Variants in SRRM1 observed in about 807,000 individuals in gnomAD.
SRRM1 encodes the protein serine/arginine repetitive matrix protein 1.
A neutral mutation model predicts 110.2 loss-of-function variants in SRRM1; 19 were observed. The ratio of observed to expected loss-of-function variants is 0.17; its 90% confidence interval spans 0.12 to 0.25. SRRM1 has a LOEUF of 0.25. Among genes scored for constraint, SRRM1 ranks in the 10% least tolerant of loss-of-function variants. The pLI is 1.00. For missense variants in SRRM1, 918 were observed against 1,145.8 expected (o/e 0.80, Z 2.87); for synonymous variants, 443 against 414.9 (o/e 1.07, Z -0.82).
chr1:24,645,113 T>A (rs1360445600), intron 1 of SRRM1, among the ~76,000 whole-genome samples: 1 of 152,208 alleles, frequency 6.6e-6, no homozygotes, highest in African/African-American at 2.4e-5. Flanking sequence ...TTTACATATG[T>A]TATTTCTGGT....
At chr1:24,648,771 C>A in intron 3 of SRRM1, 88 bp from the exon 4 acceptor site, 2 of 1,219,102 alleles carry the variant, frequency 1.6e-6, no homozygotes, top group East Asian at 2.4e-5. Flanking sequence ...TTAAAAAATA[C>A]TAATTTAAAT....
intron 16 of SRRM1, among the ~76,000 whole-genome samples, chr1:24,671,910 T>G (rs1255356776): frequency 6.6e-6 from 1 of 151,914 alleles, no homozygotes; most frequent in African/African-American, 2.4e-5. Flanking sequence ...TTTTTTTTTT[T>G]GTTTGTTTTT....
chr1:24,644,763 T>G (rs1349602999), intron 1 of SRRM1, among the ~76,000 whole-genome samples: 1 of 152,250 alleles, frequency 6.6e-6, no homozygotes, highest in African/African-American at 2.4e-5. Context: ...TATTCAATAT[T>G]TTCTGCAGTG....
At chr1:24,656,475 G>C (rs1241485336) in intron 9 of SRRM1, among the ~76,000 whole-genome samples, 3 of 152,216 alleles carry the variant, frequency 2.0e-5, no homozygotes, top group Non-Finnish European at 2.9e-5. Context: ...TCAGTCCTCA[G>C]TTTGAGAGAG....
intron 12 of SRRM1, among the ~76,000 whole-genome samples, chr1:24,666,332 G>T (rs895144425): frequency 6.6e-6 from 1 of 152,050 alleles, no homozygotes; most frequent in Admixed American, 6.6e-5. Flanking sequence ...TGCCACCCAG[G>T]GTCTTGACTG....
At chr1:24,643,419 T>G in intron 1 of SRRM1, 72 bp downstream of exon 1, 1 of 1,352,968 alleles carries the variant, frequency 7.4e-7, no homozygotes, top group Non-Finnish European at 9.9e-7. Flanking sequence ...GACCTTAGCT[T>G]GGCACAGGGT....
At position 24,666,879 on chromosome 1, in the gene SRRM1, C is replaced by T. The variant is rs1271730805; in HGVS notation, c.1693C>T (p.Pro565Ser). 1.2e-6 allele frequency: 2 copies of T among 1,612,094 alleles called. No individual in the cohort carries two copies. The highest frequency in any genetic ancestry group is 1.7e-6 in the Non-Finnish European group (2 of 1,179,322). ...AAGGCGACGGTCTCCTTCTCCCGCC[C>T]CTCCTCCTCGACGGCGCAGGACTCC... ...TRRRRSPSPA[P>S]PPRRRRTPTP... Residue 565 changes from proline (P) to serine (S), a missense_variant, in exon 13 of 17, where the codon CCT (proline) becomes TCT (serine). By Grantham distance (74) the Pro-to-Ser change is moderately conservative. This residue lies in a region of SRRM1 where 357 missense variants were observed against 402.9 expected (regional missense o/e 0.89). Transcript: ENST00000323848.
intron 12 of SRRM1, among the ~76,000 whole-genome samples, chr1:24,663,664 G>A (rs1668367789): frequency 6.6e-6 from 1 of 151,908 alleles, no homozygotes; most frequent in Non-Finnish European, 1.5e-5. Flanking sequence ...GGATCACGAG[G>A]TCAGGAGATC....
At chr1:24,648,791 G>A in intron 3 of SRRM1, 68 bp from the exon 4 acceptor site, 1 of 1,438,514 alleles carries the variant, frequency 7.0e-7, no homozygotes, top group Admixed American at 1.9e-5. Flanking sequence ...TGAGTTTTAG[G>A]TTGGTTGATT....
chr1:24,659,206 A>AG (rs1192434485), intron 9 of SRRM1, among the ~76,000 whole-genome samples: 3 of 151,990 alleles, frequency 2.0e-5, no homozygotes, highest in East Asian at 1.9e-4. Context: ...AAAAAAAAAA[A>AG]AGAGAGAGAA....
At chr1:24,657,105 G>GC (rs1664571433) in intron 9 of SRRM1, among the ~76,000 whole-genome samples, 1 of 152,090 alleles carries the variant, frequency 6.6e-6, no homozygotes, top group African/African-American at 2.4e-5. Context: ...AATAGAGCCA[G>GC]CATCTCACTC....
At chr1:24,671,274 C>A in intron 15 of SRRM1, 112 bp from the exon 16 acceptor site, 1 of 1,187,066 alleles carries the variant, frequency 8.4e-7, no homozygotes, top group Non-Finnish European at 1.2e-6. Context: ...CAAAGCCTTT[C>A]GGAAATCTTG....
intron 9 of SRRM1, among the ~76,000 whole-genome samples, chr1:24,658,302 C>G (rs1191548305): frequency 3.3e-5 from 5 of 150,936 alleles, no homozygotes; most frequent in African/African-American, 1.2e-4. Flanking sequence ...CCTCTGCCTC[C>G]CAGGTTCAAG....
intron 10 of SRRM1, 92 bp from the exon 11 acceptor site, chr1:24,661,218 A>G (rs1274465442): frequency 4.8e-6 from 4 of 833,804 alleles, no homozygotes; most frequent in South Asian, 1.7e-5. Flanking sequence ...ATCCAACCAA[A>G]TGAAGGTTTG....
chr1:24,650,143 C>G (rs1218519887), intron 5 of SRRM1, 57 bp downstream of exon 5: 11 of 1,442,142 alleles, frequency 7.6e-6, no homozygotes, highest in Non-Finnish European at 1.0e-5. Context: ...TCTTAAGAAA[C>G]TTCCTTAGTT....
At chr1:24,643,492 C>CA (rs1448815346) in intron 1 of SRRM1, 145 bp downstream of exon 1, 14 of 578,368 alleles carry the variant, frequency 2.4e-5, no homozygotes, top group Non-Finnish European at 7.7e-6. Context: ...ACCCCCCCCC[C>CA]CCCCGTGCGC....
intron 8 of SRRM1, among the ~76,000 whole-genome samples, chr1:24,653,414 C>G (rs954466529): frequency 1.3e-5 from 2 of 152,054 alleles, no homozygotes; most frequent in Non-Finnish European, 2.9e-5. Flanking sequence ...AATTCATTTG[C>G]TGTTATACTT....
chr1:24,645,067 C>T (rs1656590211), intron 1 of SRRM1, among the ~76,000 whole-genome samples: 2 of 152,138 alleles, frequency 1.3e-5, no homozygotes, highest in African/African-American at 2.4e-5. Context: ...GAAGTTATAT[C>T]TTCCATTCAA....
chr1:24,670,358 A>G, intron 15 of SRRM1, 43 bp downstream of exon 15: 2 of 1,517,726 alleles, frequency 1.3e-6, no homozygotes, highest in Middle Eastern at 1.8e-4. Flanking sequence ...ATAAATATGT[A>G]TATGGTCACT....
Sources: allele counts gnomAD v4.1 joint callset (sites outside exome capture counted in the v4.1 genomes callset), GRCh38; gene constraint gnomAD v4.1.1; regional missense constraint gnomAD v4.1.1; transcripts MANE v1.5; gene names NCBI Gene and HGNC (gene_info 2026-07-23, HGNC 2026-07-21).